Variants in CUX2 observed in about 807,000 individuals in gnomAD.
CUX2 encodes cut like homeobox 2.
A neutral mutation model predicts 144.8 loss-of-function variants in CUX2; 40 were observed. The ratio of observed to expected loss-of-function variants is 0.28; its 90% CI spans 0.21 to 0.36. CUX2 has a LOEUF of 0.36. Ranked by LOEUF, CUX2 falls within the 10% of genes least tolerant of loss-of-function variation. The pLI is 1.00. For synonymous variants in CUX2, 827 were observed against 875.6 expected (o/e 0.94, Z 0.98); for missense variants, 1,615 against 1,994.0 (o/e 0.81, Z 3.62).
chr12:111,335,762 C>A (rs1888324057), intron 19 of CUX2, among the ~76,000 whole-genome samples: 1 of 152,044 alleles, frequency 6.6e-6, no homozygotes, highest in Non-Finnish European at 1.5e-5. Flanking sequence ...TTCATGCAAA[C>A]AAACTTCACA....
rs188618726 is a variant in CUX2, at chr12:111,290,055, A to G, written c.302-1363A>G. ...GGGAAGATTGGCCTCAGAGCGATGG[A>G]TCTCAGAGCAGCAGCCAGATCCTTG... On this transcript the variant is annotated intron_variant, in intron 4 of 21. Transcript: ENST00000261726. 3.9e-5 allele frequency among the ~76,000 whole-genome samples: 6 copies of G among 152,292 alleles called. No individual in the cohort carries two copies. The East Asian group carries it at 1.2e-3, about 29-fold the overall frequency.
At position 111,160,476 on chromosome 12, in the gene CUX2, G is replaced by A. The variant is rs1877684707; in HGVS notation, c.64-53724G>A. On this transcript the variant is annotated intron_variant, in intron 1 of 21. Coordinates refer to ENST00000261726, the MANE Select transcript of CUX2 (RefSeq NM_015267.4). The surrounding 1 kb of genome is among the most constrained non-coding windows in gnomAD (Gnocchi z 4.1). ...CATCTCTGTGCCTGTGTGTCTGCAT[G>A]TGCACACGTGCAGTGTGTCAGGGAG... 6.6e-6 allele frequency among the ~76,000 whole-genome samples: 1 copy of A among 152,192 alleles called. No individual in the cohort carries two copies. Among genetic ancestry groups the A allele is most frequent in the Admixed American group, 6.5e-5 (1 of 15,282 alleles).
intron 3 of CUX2, among the ~76,000 whole-genome samples, chr12:111,250,352 C>G (rs1883502318): frequency 6.6e-6 from 1 of 152,136 alleles, no homozygotes; most frequent in African/African-American, 2.4e-5. Context: ...CAATTCACAC[C>G]CTGCCTTGGC....
At chr12:111,208,981 G>A (rs1023671178) in intron 1 of CUX2, among the ~76,000 whole-genome samples, 1 of 152,186 alleles carries the variant, frequency 6.6e-6, no homozygotes, top group African/African-American at 2.4e-5. Flanking sequence ...TTTAAAAAAA[G>A]GGAAGGAGTC....
chr12:111,245,734 A>G (rs911081539), intron 3 of CUX2, among the ~76,000 whole-genome samples: 23 of 152,136 alleles, frequency 1.5e-4, no homozygotes, highest in African/African-American at 5.6e-4. Flanking sequence ...GGGACAGGGT[A>G]GGGACAGAGG....
rs1441193960 is a variant in CUX2, at chr12:111,320,416, G to A, written c.2407G>A (p.Val803Met). ...RGLLSRPYAS[V>M]SPSLSSSSSS... ...CCTGCTCAGCCGCCCCTACGCCTCC[G>A]TGTCGCCCTCGCTGTCCTCCTCCTC... Residue 803 changes from valine (V) to methionine (M), a missense_variant, in exon 17 of 22, where the codon GTG becomes ATG. Val to Met is a conservative substitution (Grantham distance 21, BLOSUM62 1). Coordinates refer to ENST00000261726, the MANE Select transcript of CUX2 (RefSeq NM_015267.4). The surrounding 1 kb of genome is among the most constrained non-coding windows in gnomAD (Gnocchi z 8.1). The A allele has an allele frequency of 7.5e-6, 12 of 1,597,690 alleles. No individual in the cohort carries two copies. Among genetic ancestry groups the A allele is most frequent in the Non-Finnish European group, 1.0e-5 (12 of 1,178,970 alleles).
At position 111,171,018 on chromosome 12, in the gene CUX2, G is replaced by C. The variant is rs183704158; in HGVS notation, c.64-43182G>C. 9.9e-5 allele frequency among the ~76,000 whole-genome samples: 15 copies of C among 152,132 alleles called. No individual in the cohort carries two copies. Among genetic ancestry groups the C allele is most frequent in the Non-Finnish European group, 2.1e-4 (14 of 68,014 alleles). On this transcript the variant is annotated intron_variant, in intron 1 of 21. Transcript: ENST00000261726. The surrounding 1 kb of genome is among the most constrained non-coding windows in gnomAD (Gnocchi z 5.0). ...AGGGGAGTGGGGAAGCGCCAGGTAG[G>C]GTCCAGCAAGGTGTTCTGGTTGCCC...
intron 21 of CUX2, among the ~76,000 whole-genome samples, chr12:111,343,078 CA>C (rs1482880304): frequency 1.3e-5 from 2 of 151,388 alleles, no homozygotes; most frequent in Non-Finnish European, 2.9e-5. Context: ...AAAGAAGGGA[CA>C]GGGAAGGGTA....
rs774623188 is a variant in CUX2, at chr12:111,347,733, C to T, written c.3869C>T (p.Thr1290Ile). Residue 1290 changes from threonine (T) to isoleucine (I), a missense_variant, in exon 22 of 22, where the codon ACC (threonine) becomes ATC (isoleucine). Around this residue, in one of 12 missense-constraint regions of CUX2, gnomAD observed 298 missense variants for 330.4 expected, o/e 0.90. Transcript: ENST00000261726. Reference protein sequence around the residue: ...GPEENSTPLTTQDKAQVRIKQ... With the variant: ...GPEENSTPLTIQDKAQVRIKQ... ...GAGGAGAACAGCACACCCCTGACCA[C>T]CCAGGACAAGGCCCAAGTGAGGATC... 2.5e-6 allele frequency: 4 copies of T among 1,613,728 alleles called. No homozygotes were observed. The highest frequency in any genetic ancestry group is 3.3e-5 in the Admixed American group (2 of 59,972).
At chr12:111,153,366 A>C (rs1877177404) in intron 1 of CUX2, among the ~76,000 whole-genome samples, 1 of 152,224 alleles carries the variant, frequency 6.6e-6, no homozygotes, top group Non-Finnish European at 1.5e-5. Flanking sequence ...ATTCTGAGAA[A>C]TGCGTTGTTA....
At chr12:111,133,317 G>A (rs755188214) in intron 1 of CUX2, among the ~76,000 whole-genome samples, 7 of 152,020 alleles carry the variant, frequency 4.6e-5, no homozygotes, top group South Asian at 2.1e-4. Context: ...TCGTTTTCAC[G>A]CTGCCGATAA....
At chr12:111,085,753 C>T (rs1872173101) in intron 1 of CUX2, among the ~76,000 whole-genome samples, 1 of 152,140 alleles carries the variant, frequency 6.6e-6, no homozygotes, top group African/African-American at 2.4e-5. Context: ...CATTTGTTTC[C>T]AGTTGTAATT....
intron 1 of CUX2, among the ~76,000 whole-genome samples, chr12:111,114,398 T>C (rs568923817): frequency 6.6e-6 from 1 of 152,368 alleles, no homozygotes; most frequent in African/African-American, 2.4e-5. Flanking sequence ...TCTGTTTTAG[T>C]GATGCTTCTC....
chr12:111,158,816 T>C (rs1877560724), intron 1 of CUX2, among the ~76,000 whole-genome samples: 1 of 152,212 alleles, frequency 6.6e-6, no homozygotes, highest in Non-Finnish European at 1.5e-5. Flanking sequence ...TCAGCCCAGC[T>C]TCCCTTCCTG....
chr12:111,167,060 C>T lies in CUX2; in HGVS notation c.64-47140C>T, dbSNP rs971208529. The stretch of plus-strand genomic sequence containing the variant: ...CTCCTAGACAGGCTGGCAGGGAGAG[C>T]GAGAGCGCCAGCACTGTCACAAGAA... On this transcript the variant is annotated intron_variant, in intron 1 of 21. Coordinates refer to ENST00000261726, the MANE Select transcript of CUX2 (RefSeq NM_015267.4). Among the ~76,000 whole-genome samples the T allele has an allele frequency of 4.6e-5, 7 of 152,088 alleles. No homozygotes were observed. The East Asian group carries it at 7.7e-4, about 17-fold the overall frequency.
chr12:111,102,414 A>G (rs140177606), intron 1 of CUX2, among the ~76,000 whole-genome samples: 1 of 152,290 alleles, frequency 6.6e-6, no homozygotes, highest in Admixed American at 6.5e-5. Flanking sequence ...AAGCCGACTG[A>G]CATCTGAGCA....
intron 9 of CUX2, among the ~76,000 whole-genome samples, chr12:111,301,844 G>A (rs148903720): frequency 3.3e-4 from 50 of 152,210 alleles, no homozygotes; most frequent in Non-Finnish European, 6.5e-4. Flanking sequence ...TCTCCATGAT[G>A]TGGGTCTCAC....
Position 111,034,362 on chromosome 12 carries a change from G to A in CUX2, c.63+122G>A, listed in dbSNP as rs1417771866. On this transcript the variant is annotated intron_variant, in intron 1 of 21. Coordinates refer to ENST00000261726, the MANE Select transcript of CUX2 (RefSeq NM_015267.4). The surrounding 1 kb of genome is among the most constrained non-coding windows in gnomAD (Gnocchi z 4.2). The stretch of plus-strand genomic sequence containing the variant: ...GGGGCGGCGGGCGGCGGCTGCCGGG[G>A]CTCGCCGGGGCTCGGCCGCCCGCTG... 7 of 275,032 alleles carry A rather than the reference G, an allele frequency of 2.5e-5. No individual in the cohort carries two copies. Among genetic ancestry groups the A allele is most frequent in the Non-Finnish European group, 3.9e-5 (7 of 179,096 alleles). 17.0% of individuals were successfully genotyped at this position (275,032 alleles called of 1,614,324 possible). A position where few individuals can be genotyped will look rare whatever the true frequency, so the allele number is the denominator to read the frequency against.
chr12:111,265,094 T>C (rs1884312595), intron 4 of CUX2, among the ~76,000 whole-genome samples: 1 of 151,958 alleles, frequency 6.6e-6, no homozygotes, highest in African/African-American at 2.4e-5. Flanking sequence ...TTCACCTTAA[T>C]TGAAAAAAAA....
Sources: allele counts gnomAD v4.1 joint callset (sites outside exome capture counted in the v4.1 genomes callset), GRCh38; gene constraint gnomAD v4.1.1; regional missense constraint gnomAD v4.1.1; non-coding constraint Gnocchi (gnomAD v3.1); transcripts MANE v1.5; gene names NCBI Gene and HGNC (gene_info 2026-07-23, HGNC 2026-07-21).